Variants in APOOL observed in about 807,000 individuals in gnomAD.
APOOL encodes apolipoprotein O like.
APOOL carries 12 observed loss-of-function variants against 23.1 expected under a neutral mutation model. The observed-to-expected ratio is 0.52, with a 90% CI of 0.33 to 0.84. APOOL has a LOEUF of 0.84. Ranked by LOEUF, APOOL falls within the 40% of genes least tolerant of loss-of-function variation. The pLI, the probability that APOOL is intolerant of heterozygous loss-of-function variation, is 0.02. For synonymous variants in APOOL, 77 were observed against 69.9 expected (o/e 1.10, Z -0.51); for missense variants, 212 against 199.6 (o/e 1.06, Z -0.37).
chrX:85,034,458 G>GT (rs11450090), intron 1 of APOOL, among the ~76,000 whole-genome samples: 3,036 of 105,619 alleles, frequency 0.029, 96 homozygotes, highest in African/African-American at 0.095. Flanking sequence ...GCACCTGTTT[G>GT]TTTTTTTTTT....
intron 8 of APOOL, among the ~76,000 whole-genome samples, chrX:85,077,070 TATATAC>T (rs1393167181): frequency 2.0e-5 from 1 of 51,150 alleles, no homozygotes; most frequent in African/African-American, 6.6e-5. Flanking sequence ...CGTATATATA[TATATAC>T]ATATATATAT....
intron 8 of APOOL, among the ~76,000 whole-genome samples, chrX:85,075,250 A>G (rs2147662623): frequency 9.0e-6 from 1 of 111,114 alleles, no homozygotes; most frequent in African/African-American, 3.3e-5. Flanking sequence ...CCTTACCCAC[A>G]AAGCAAAACA....
chrX:85,023,125 A>G lies in APOOL; in HGVS notation c.15+19198A>G, dbSNP rs1921726920. On this transcript the variant is annotated intron_variant, in intron 1 of 8. Coordinates refer to ENST00000373173, the MANE Select transcript of APOOL (RefSeq NM_198450.6). ...CCAGTCTCAGATATTCCTTCATAACAACACAAAAGGACTAAGACCCTGTTT... is the reference window on the plus strand; with the variant it reads ...CCAGTCTCAGATATTCCTTCATAACGACACAAAAGGACTAAGACCCTGTTT... Among the ~76,000 whole-genome samples the G allele has an allele frequency of 2.7e-5, 3 of 111,789 alleles. No homozygotes were observed. The South Asian group carries it at 1.1e-3, about 42-fold the overall frequency.
At chrX:85,076,124 C>A (rs890397315) in intron 8 of APOOL, among the ~76,000 whole-genome samples, 3 of 110,393 alleles carry the variant, frequency 2.7e-5, no homozygotes, top group Non-Finnish European at 5.7e-5. Flanking sequence ...AAAGGCTGTA[C>A]CCTCATCACT....
At chrX:85,046,251 T>C (rs1472081345) in intron 1 of APOOL, 195 bp from the exon 2 acceptor site, 2 of 351,695 alleles carry the variant, frequency 5.7e-6, no homozygotes, top group Non-Finnish European at 1.0e-5. Context: ...GTAAAAATAG[T>C]GCTCTGCCAT....
intron 8 of APOOL, among the ~76,000 whole-genome samples, chrX:85,077,370 T>C (rs1224681644): frequency 9.2e-6 from 1 of 109,214 alleles, no homozygotes; most frequent in African/African-American, 3.3e-5. Context: ...TGGTTTTCTG[T>C]CCTTTTGATA....
chrX:85,053,687 T>C (rs1289523312), intron 3 of APOOL, among the ~76,000 whole-genome samples: 3 of 111,368 alleles, frequency 2.7e-5, no homozygotes, highest in Non-Finnish European at 3.8e-5. Flanking sequence ...TTTAACACTC[T>C]TTTGCACTAA....
In APOOL at chrX:85,088,024, ATATTTATACATGTATAAATACG is replaced by A. The variant is rs1924377241; in HGVS notation, c.*358_*379del. ...TATATATGTATGTATAAATACATAC[ATATTTATACATGTATAAATACG>A]TATTTATACATATATGTATAAATAC... On this transcript the variant is annotated 3_prime_UTR_variant, in exon 9 of 9. Coordinates refer to ENST00000373173, the MANE Select transcript of APOOL (RefSeq NM_198450.6). 6.8e-5 allele frequency: 7 copies of A among 102,760 alleles called. No individual in the cohort carries two copies. Among genetic ancestry groups the A allele is most frequent in the East Asian group, 3.0e-4 (1 of 3,328 alleles). 8.5% of individuals were successfully genotyped at this position (102,760 alleles called of 1,213,427 possible). A position where few individuals can be genotyped will look rare whatever the true frequency, so the allele number is the denominator to read the frequency against.
chrX:85,020,277 T>G (rs1158617025), intron 1 of APOOL, among the ~76,000 whole-genome samples: 1 of 111,451 alleles, frequency 9.0e-6, no homozygotes, highest in African/African-American at 3.3e-5. Flanking sequence ...AAGTGAGAAA[T>G]TACAGCTCCT....
At chrX:85,008,535 T>TTGTGTGTGTG (rs57105866) in intron 1 of APOOL, among the ~76,000 whole-genome samples, 12,050 of 85,871 alleles carry the variant, frequency 0.14, 781 homozygotes, top group Middle Eastern at 0.25. Flanking sequence ...TGATAACCCG[T>TTGTGTGTGTG]TGTGTGTGTG....
At chrX:85,017,469 G>C (rs1359309897) in intron 1 of APOOL, among the ~76,000 whole-genome samples, 1 of 111,889 alleles carries the variant, frequency 8.9e-6, no homozygotes, top group Non-Finnish European at 1.9e-5. Flanking sequence ...TTCCCTCTCT[G>C]TGTGCTCACA....
rs1924438508 is a variant in APOOL at position 85,088,345 on chromosome X, T to TTTTTTTTTC, written c.*667_*668insTTTTTTTTC. On this transcript the variant is annotated 3_prime_UTR_variant, in exon 9 of 9. Transcript: ENST00000373173. ...TTTTTTTTTTTTTTTTTTTTTTTTT[T>TTTTTTTTTC]CCCATTTCCTAGAGCTGGAATAAAA... The TTTTTTTTTC allele has an allele frequency of 1.2e-5, 1 of 84,836 alleles. No homozygotes were observed. The highest frequency in any genetic ancestry group is 2.2e-5 in the Non-Finnish European group (1 of 44,933). 7.0% of individuals were successfully genotyped at this position (84,836 alleles called of 1,213,427 possible).
At chrX:85,082,295 T>A (rs1251888793) in intron 8 of APOOL, among the ~76,000 whole-genome samples, 1 of 111,495 alleles carries the variant, frequency 9.0e-6, no homozygotes. Context: ...TCGTTTTTGT[T>A]GATGTTGATG....
At chrX:85,064,753 T>C (rs1410907683) in intron 5 of APOOL, among the ~76,000 whole-genome samples, 1 of 111,842 alleles carries the variant, frequency 8.9e-6, no homozygotes, top group East Asian at 2.8e-4. Context: ...ACTATTATGA[T>C]TTCAGTTTTT....
At chrX:85,033,719 A>G (rs1368097775) in intron 1 of APOOL, among the ~76,000 whole-genome samples, 1 of 110,971 alleles carries the variant, frequency 9.0e-6, no homozygotes, top group African/African-American at 3.3e-5. Flanking sequence ...GAACAAACAC[A>G]TTGTCATCAG....
At chrX:85,080,685 G>A (rs1299775500) in intron 8 of APOOL, among the ~76,000 whole-genome samples, 2 of 111,427 alleles carry the variant, frequency 1.8e-5, no homozygotes, top group Admixed American at 9.6e-5. Context: ...AATATTGACA[G>A]TGGGGTGTTA....
intron 1 of APOOL, among the ~76,000 whole-genome samples, chrX:85,045,442 C>G (rs931303640): frequency 1.8e-5 from 2 of 111,848 alleles, no homozygotes; most frequent in Admixed American, 9.5e-5. Context: ...TAGGTACTAT[C>G]ACTGTCATTG....
chrX:85,069,992 A>G (rs1923608947), intron 6 of APOOL, among the ~76,000 whole-genome samples: 1 of 111,620 alleles, frequency 9.0e-6, no homozygotes, highest in Non-Finnish European at 1.9e-5. Context: ...AGTTACATTT[A>G]GACTGTTTAA....
intron 1 of APOOL, among the ~76,000 whole-genome samples, chrX:85,004,349 A>T (rs374843508): frequency 8.9e-6 from 1 of 112,296 alleles, no homozygotes; most frequent in African/African-American, 3.2e-5. Context: ...ATTTGGGGTG[A>T]AACTGACCAG....
Sources: allele counts gnomAD v4.1 joint callset (sites outside exome capture counted in the v4.1 genomes callset), GRCh38; gene constraint gnomAD v4.1.1; transcripts MANE v1.5; gene names NCBI Gene and HGNC (gene_info 2026-07-23, HGNC 2026-07-21).